HROB: variants seen among roughly 807,000 people sequenced by gnomAD.
HROB encodes the protein homologous recombination OB-fold protein.
A neutral mutation model predicts 61.0 loss-of-function variants in HROB; 44 were observed. The observed-to-expected ratio is 0.72, with a 90% confidence interval of 0.57 to 0.93. HROB has a LOEUF of 0.93. HROB is among the 40% of genes least tolerant of loss of function. The probability of loss-of-function intolerance (pLI) is 0.00; values close to 1 mark genes in which losing one functional copy is unlikely to be tolerated. For missense variants in HROB, 716 were observed against 796.2 expected (o/e 0.90, Z 1.21); for synonymous variants, 301 against 310.4 (o/e 0.97, Z 0.32).
At chr17:44,143,915 C>T (rs150246528) in intron 1 of HROB, among the ~76,000 whole-genome samples, 5 of 152,268 alleles carry the variant, frequency 3.3e-5, no homozygotes, top group African/African-American at 4.8e-5. Context: ...CCCTTTCTTC[C>T]CTTCCAGGAT....
intron 9 of HROB, among the ~76,000 whole-genome samples, chr17:44,158,900 G>C (rs553677031): frequency 2.0e-5 from 3 of 152,196 alleles, no homozygotes; most frequent in African/African-American, 7.2e-5. Flanking sequence ...GCCCGCCTCA[G>C]CCTCCCAAAG....
rs1233755650 is a variant in HROB at position 44,141,935 on chromosome 17, C to G, written c.-208C>G. 8.5e-6 allele frequency: 5 copies of G among 585,452 alleles called. No homozygotes were observed. In the East Asian group the frequency reaches 1.7e-4, roughly 20 times the overall value. 36.3% of individuals were successfully genotyped at this position (585,452 alleles called of 1,614,324 possible). A position where few individuals can be genotyped will look rare whatever the true frequency, so the allele number is the denominator to read the frequency against. On this transcript the variant is annotated 5_prime_UTR_variant, in exon 1 of 10. Coordinates refer to ENST00000585683, the MANE Select transcript of HROB (RefSeq NM_001171251.3). ...TAAGAAGGCGGAGACGCCCCAGTGG[C>G]GGCGTCTTCGAATGCGGCCTAAGGC... is the stretch of plus-strand genomic sequence containing the variant.
chr17:44,147,975 T>C lies in HROB; in HGVS notation c.172T>C (p.Ser58Pro). ...ACAGGAGACTGTGCAGGCACAGTCC[T>C]CCAGGCTGCTGCTGTTACACCCCAC... Reference protein sequence around the residue: ...RPQETVQAQSSRLLLLHPTAP... With the variant: ...RPQETVQAQSPRLLLLHPTAP... Residue 58 changes from serine to proline, a missense_variant, in exon 3 of 10, where the codon TCC (serine) becomes CCC (proline). Coordinates refer to ENST00000585683, the MANE Select transcript of HROB (RefSeq NM_001171251.3). 2 of 1,614,074 alleles carry C rather than the reference T, an allele frequency of 1.2e-6. No individual in the cohort carries two copies. The highest frequency in any genetic ancestry group is 2.2e-5 in the South Asian group (2 of 91,078).
intron 8 of HROB, among the ~76,000 whole-genome samples, chr17:44,155,965 G>A (rs1598105241): frequency 6.6e-6 from 1 of 152,186 alleles, no homozygotes; most frequent in African/African-American, 2.4e-5. Flanking sequence ...TCCAGGTTGA[G>A]AGTGTAGAGC....
Position 44,157,885 on chromosome 17 carries a change from G to T in HROB, c.1823G>T (p.Arg608Ile). ...DVAAKPEEGF[R>I]TAQNLEAEAS... ...GCTGCAAAGCCCGAGGAAGGCTTCA[G>T]AACAGCACAGAACCTAGAGGCAGAG... The change falls in exon 9 of 10, where the codon AGA (arginine) becomes ATA (isoleucine). Residue 608 changes from arginine (R) to isoleucine (I), a missense_variant. Coordinates refer to ENST00000585683, the MANE Select transcript of HROB (RefSeq NM_001171251.3). The T allele has an allele frequency of 6.2e-7, 1 of 1,613,784 alleles. No individual in the cohort carries two copies. Among genetic ancestry groups the T allele is most frequent in the South Asian group, 1.1e-5 (1 of 90,994 alleles).
intron 2 of HROB, among the ~76,000 whole-genome samples, chr17:44,145,700 T>C (rs227580): frequency 0.46 from 70,418 of 152,016 alleles, 19,386 homozygotes; most frequent in East Asian, 0.78. Flanking sequence ...ATATGAGGGA[T>C]GCTCTTCTGC....
Position 44,148,284 on chromosome 17 carries a change from G to A in HROB, c.481G>A (p.Val161Ile), listed in dbSNP as rs371609858. ...GCCTGAACAAGACGAATTTGATAAA[G>A]TCCTGGCAAGCATGGAGTTGGAGGA... ...EGPEQDEFDKVLASMELEEPG... is the reference protein window; with the variant it reads ...EGPEQDEFDKILASMELEEPG... Residue 161 changes from valine to isoleucine, a missense_variant, in exon 3 of 10, where the codon GTC becomes ATC. By Grantham distance (29) the Val-to-Ile change is conservative. Coordinates refer to ENST00000585683, the MANE Select transcript of HROB (RefSeq NM_001171251.3). 13 of 1,614,200 alleles carry A rather than the reference G, an allele frequency of 8.1e-6. No homozygotes were observed. The highest frequency in any genetic ancestry group is 1.1e-5 in the Non-Finnish European group (13 of 1,180,030).
intron 5 of HROB, 137 bp downstream of exon 5, chr17:44,152,914 G>T (rs1163168862): frequency 8.9e-7 from 1 of 1,122,714 alleles, no homozygotes; most frequent in African/African-American, 1.6e-5. Flanking sequence ...AGCCCCTTTG[G>T]TTGTATCTTC....
Position 44,148,089 on chromosome 17 carries a change from A to G in HROB, c.286A>G (p.Ile96Val), listed in dbSNP as rs2053668213. 3.7e-6 allele frequency: 6 copies of G among 1,614,030 alleles called. No homozygotes were observed. Among genetic ancestry groups the G allele is most frequent in the South Asian group, 1.1e-5 (1 of 91,086 alleles). Residue 96 changes from isoleucine (I) to valine (V), a missense_variant, in exon 3 of 10, where the codon ATA (isoleucine) becomes GTA (valine). By Grantham distance (29) the Ile-to-Val change is conservative (BLOSUM62 3). Coordinates refer to ENST00000585683, the MANE Select transcript of HROB (RefSeq NM_001171251.3). ...TPSADSRPSC[I>V]GAAPLRPVST... The stretch of plus-strand genomic sequence containing the variant: ...CAGTGCTGACAGCCGTCCATCATGC[A>G]TAGGAGCAGCTCCCCTAAGGCCTGT...
chr17:44,144,210 G>A lies in HROB; in HGVS notation c.4-993G>A, dbSNP rs933045015. On this transcript the variant is annotated intron_variant, in intron 1 of 9. Transcript: ENST00000585683. The stretch of plus-strand genomic sequence containing the variant: ...GGCTGGTGTGCAGTGGTGCGATCTC[G>A]GCTCACTGCAACCTCTGCCTCCCAG... Among the ~76,000 whole-genome samples the A allele has an allele frequency of 2.3e-4, 35 of 151,870 alleles. No homozygotes were observed. In the East Asian group the frequency reaches 6.0e-3, roughly 26 times the overall value.
At chr17:44,161,642 C>T (rs2054143629) in intron 9 of HROB, among the ~76,000 whole-genome samples, 1 of 152,130 alleles carries the variant, frequency 6.6e-6, no homozygotes, top group Non-Finnish European at 1.5e-5. Flanking sequence ...CAGAATGGCC[C>T]AGGGATTACG....
At position 44,154,792 on chromosome 17, in the gene HROB, C is replaced by T. The variant is rs2053921708; in HGVS notation, c.1559-61C>T. 1.9e-6 allele frequency: 3 copies of T among 1,600,468 alleles called. No individual in the cohort carries two copies. The African/African-American group carries it at 4.0e-5, about 21-fold the overall frequency. ...TGAGCAGCCCACTTCCCAGCCAGGGCCCATACCAGTCGCTGTGCTGCCCTT... is the reference window on the plus strand; with the variant it reads ...TGAGCAGCCCACTTCCCAGCCAGGGTCCATACCAGTCGCTGTGCTGCCCTT... On this transcript the variant is annotated intron_variant, in intron 6 of 9. Coordinates refer to ENST00000585683, the MANE Select transcript of HROB (RefSeq NM_001171251.3).
At chr17:44,154,715 G>A in intron 6 of HROB, 51 bp downstream of exon 6, 4 of 1,598,416 alleles carry the variant, frequency 2.5e-6, no homozygotes, top group South Asian at 2.2e-5. Context: ...ATTGAGGCCA[G>A]GAAATGAGGT....
chr17:44,151,279 C>G (rs1208780196), intron 4 of HROB, among the ~76,000 whole-genome samples: 2 of 152,144 alleles, frequency 1.3e-5, no homozygotes, highest in Non-Finnish European at 2.9e-5. Context: ...GCCTTCTTTC[C>G]CATCTAAGAA....
At chr17:44,142,928 C>T (rs182621832) in intron 1 of HROB, among the ~76,000 whole-genome samples, 59 of 152,084 alleles carry the variant, frequency 3.9e-4, no homozygotes, top group African/African-American at 1.3e-3. Flanking sequence ...CCGTGGCTGA[C>T]ACCTGTTTTT....
intron 5 of HROB, among the ~76,000 whole-genome samples, chr17:44,153,426 G>C (rs868007145): frequency 6.6e-6 from 1 of 152,024 alleles, no homozygotes; most frequent in African/African-American, 2.4e-5. Flanking sequence ...CTGCCCTCCA[G>C]CCGGGGCAAT....
At chr17:44,149,069 G>C in intron 3 of HROB, 42 bp downstream of exon 3, 1 of 1,560,084 alleles carries the variant, frequency 6.4e-7, no homozygotes, top group East Asian at 2.3e-5. Flanking sequence ...GCAAGGGAGA[G>C]AAGCAGGGTT....
Position 44,150,963 on chromosome 17 carries a change from G to C in HROB, c.1227G>C (p.Gln409His). The change falls in exon 4 of 10, where the codon CAG becomes CAC. Residue 409 changes from glutamine (Q) to histidine (H), a missense_variant and splice_region_variant. Transcript: ENST00000585683. ...PGPAGILPHQ[Q>H]SGRSLEDIMV... ...CTTCTCCTTCCCTCCCCTCTTAGCA[G>C]AGTGGGAGAAGTCTGGAGGACATCA... The C allele has an allele frequency of 6.2e-7, 1 of 1,610,108 alleles. No homozygotes were observed. Among genetic ancestry groups the C allele is most frequent in the Non-Finnish European group, 8.5e-7 (1 of 1,177,426 alleles).
chr17:44,150,891 G>C (rs577383725), intron 3 of HROB, 70 bp from the exon 4 acceptor site: 19 of 1,310,576 alleles, frequency 1.4e-5, no homozygotes, highest in South Asian at 1.2e-4. Context: ...ATGTAAACCA[G>C]ACAATAAGCT....
Sources: gnomAD v4.1 joint callset for allele counts (sites outside exome capture counted in the v4.1 genomes callset) on GRCh38, gnomAD v4.1.1 for gene constraint, MANE v1.5 for transcripts, NCBI Gene and HGNC (gene_info 2026-07-23, HGNC 2026-07-21) for gene names.